STX11: variants seen among roughly 807,000 people sequenced by gnomAD.
STX11 encodes syntaxin-11.
A neutral mutation model predicts 19.9 loss-of-function variants in STX11; 21 were observed. The observed-to-expected ratio is 1.06, with a 90% CI of 0.75 to 1.52. The LOEUF is 1.52. Among genes scored for constraint, STX11 ranks in the 40% most tolerant of loss-of-function variants. The probability of loss-of-function intolerance (pLI) is 0.00; values close to 1 mark genes in which losing one functional copy is unlikely to be tolerated. For synonymous variants in STX11, 193 were observed against 174.4 expected (o/e 1.11, Z -0.84); for missense variants, 438 against 405.9 (o/e 1.08, Z -0.68).
At position 144,175,248 on chromosome 6, in the gene STX11, A is replaced by T. The variant is rs1352996876; in HGVS notation, c.-5-11375A>T. The stretch of plus-strand genomic sequence containing the variant: ...ACAGAGCGAGACCCTGTGTCAAACA[A>T]TAATAATAATGATAATATAGTAAAA... On this transcript the variant is annotated intron_variant, in intron 1 of 1. Coordinates refer to ENST00000367568, the MANE Select transcript of STX11 (RefSeq NM_003764.4). This position sits in a 1 kb window ranked among gnomAD's most constrained non-coding sequence, Gnocchi z 5.1. 6.6e-6 allele frequency among the ~76,000 whole-genome samples: 1 copy of T among 152,226 alleles called. No individual in the cohort carries two copies. The highest frequency in any genetic ancestry group is 1.5e-5 in the Non-Finnish European group (1 of 68,044).
intron 1 of STX11, among the ~76,000 whole-genome samples, chr6:144,179,810 A>G (rs1031337693): frequency 6.6e-6 from 1 of 152,224 alleles, no homozygotes; most frequent in African/African-American, 2.4e-5. Context: ...GGACCTTCTG[A>G]TTTGTAATAA....
At position 144,155,702 on chromosome 6, in the gene STX11, G is replaced by A. The variant is rs1237190511; in HGVS notation, c.-6+4999G>A. ...GGGGCTCTGTTAAGCCACCTCTAAG[G>A]CTCCTCCCCGTCCTAATAACCATTC... On this transcript the variant is annotated intron_variant, in intron 1 of 1. Transcript: ENST00000367568. This position sits in a 1 kb window ranked among gnomAD's most constrained non-coding sequence, Gnocchi z 4.5. Among the ~76,000 whole-genome samples the A allele has an allele frequency of 1.3e-5, 2 of 152,144 alleles. No individual in the cohort carries two copies. Among genetic ancestry groups the A allele is most frequent in the East Asian group, 1.9e-4 (1 of 5,184 alleles).
chr6:144,146,234 G>A (rs1267073178), upstream of STX11, among the ~76,000 whole-genome samples: 6 of 152,118 alleles, frequency 3.9e-5, no homozygotes, highest in South Asian at 4.1e-4. This position sits in a 1 kb window ranked among gnomAD's most constrained non-coding sequence, Gnocchi z 4.4. Flanking sequence ...CTGACAGATC[G>A]CCATGCAACT....
rs1462257110 is a variant in STX11 at position 144,188,917 on chromosome 6, G to T, written c.*1426G>T. ...AATTTTTTATGTTTTTAGTAAAGACGGTGTTTCACCGTGTTAGCCAGGATG... is the reference window on the plus strand; with the variant it reads ...AATTTTTTATGTTTTTAGTAAAGACTGTGTTTCACCGTGTTAGCCAGGATG... On this transcript the variant is annotated 3_prime_UTR_variant, in exon 2 of 2. Transcript: ENST00000367568. 6.6e-6 allele frequency among the ~76,000 whole-genome samples: 1 copy of T among 151,866 alleles called. No individual in the cohort carries two copies. Among genetic ancestry groups the T allele is most frequent in the African/African-American group, 2.4e-5 (1 of 41,334 alleles).
rs1801040214 is a variant in STX11 at position 144,152,867 on chromosome 6, C to T, written c.-6+2164C>T. Reference sequence around the variant, plus strand: ...CAGGCTGGTCTCGAACTGCTGACCTCAGGTGATCTGCTTGCCTTGGCCTCC... The same window carrying T: ...CAGGCTGGTCTCGAACTGCTGACCTTAGGTGATCTGCTTGCCTTGGCCTCC... On this transcript the variant is annotated intron_variant, in intron 1 of 1. Coordinates refer to ENST00000367568, the MANE Select transcript of STX11 (RefSeq NM_003764.4). This position sits in a 1 kb window ranked among gnomAD's most constrained non-coding sequence, Gnocchi z 4.9. Among the ~76,000 whole-genome samples, 1 of 152,258 alleles carries T rather than the reference C, an allele frequency of 6.6e-6. No homozygotes were observed. The highest frequency in any genetic ancestry group is 1.5e-5 in the Non-Finnish European group (1 of 68,046).
intron 1 of STX11, among the ~76,000 whole-genome samples, chr6:144,186,061 T>C (rs1027899637): frequency 1.3e-5 from 2 of 149,766 alleles, no homozygotes; most frequent in Admixed American, 6.6e-5. Context: ...TTTCTTTTTT[T>C]TTTTTTCTGT....
Position 144,155,149 on chromosome 6 carries a change from C to G in STX11, c.-6+4446C>G, listed in dbSNP as rs1279672691. Among the ~76,000 whole-genome samples, 2 of 152,140 alleles carry G rather than the reference C, an allele frequency of 1.3e-5. No individual in the cohort carries two copies. Among genetic ancestry groups the G allele is most frequent in the African/African-American group, 4.8e-5 (2 of 41,424 alleles). The stretch of plus-strand genomic sequence containing the variant: ...TGTCTGAAGATTCCCAGAGCTTCAA[C>G]CATTATGTCCACAAAGCTGCCTTGG... On this transcript the variant is annotated intron_variant, in intron 1 of 1. Coordinates refer to ENST00000367568, the MANE Select transcript of STX11 (RefSeq NM_003764.4). This position sits in a 1 kb window ranked among gnomAD's most constrained non-coding sequence, Gnocchi z 4.5.
chr6:144,167,453 A>G lies in STX11; in HGVS notation c.-6+16750A>G, dbSNP rs1406123537. 6.6e-6 allele frequency among the ~76,000 whole-genome samples: 1 copy of G among 152,228 alleles called. No homozygotes were observed. The highest frequency in any genetic ancestry group is 2.4e-5 in the African/African-American group (1 of 41,452). The stretch of plus-strand genomic sequence containing the variant: ...ATAATTGTATACAATGTTTTTAATA[A>G]TATTGTGCATGACAAAGTTTATGTA... On this transcript the variant is annotated intron_variant, in intron 1 of 1. Coordinates refer to ENST00000367568, the MANE Select transcript of STX11 (RefSeq NM_003764.4). The surrounding 1 kb of genome is among the most constrained non-coding windows in gnomAD (Gnocchi z 5.0).
Position 144,186,924 on chromosome 6 carries a change from C to A in STX11, c.297C>A (p.Val99=), listed in dbSNP as rs764245305. The change falls in exon 2 of 2, where the codon GTC becomes GTA. Residue 99 remains valine, a synonymous_variant. Transcript: ENST00000367568. ...IAKAIKARGE[V]IHCKLRAMKE... ...AGGCCATCAAGGCCCGGGGCGAGGT[C>A]ATCCACTGCAAGCTGCGCGCCATGA... 6.2e-7 allele frequency: 1 copy of A among 1,610,458 alleles called. No homozygotes were observed.
At chr6:144,147,344 C>T (rs771005896), upstream of STX11, among the ~76,000 whole-genome samples, 1 of 152,114 alleles carries the variant, frequency 6.6e-6, no homozygotes. The surrounding 1 kb of genome is among the most constrained non-coding windows in gnomAD (Gnocchi z 4.2). Context: ...CTCAGTTTTC[C>T]GTCCTAATTT....
At position 144,186,605 on chromosome 6, in the gene STX11, C is replaced by CA. The variant is rs1166911505; in HGVS notation, c.-5-17dup. 7 of 1,613,654 alleles carry CA rather than the reference C, an allele frequency of 4.3e-6. 1 individual carries two copies. Among genetic ancestry groups the CA allele is most frequent in the Middle Eastern group, 3.3e-4 (2 of 6,084 alleles). On this transcript the variant is annotated splice_polypyrimidine_tract_variant and intron_variant, in intron 1 of 1. Coordinates refer to ENST00000367568, the MANE Select transcript of STX11 (RefSeq NM_003764.4). ...GACTCTCAATAGAGAAATTTAACTT[C>CA]ATTATCTCTACTTGCAGGCAAAATG... is the stretch of plus-strand genomic sequence containing the variant.
In STX11 at chr6:144,186,752, A is replaced by C. The variant is rs755172979; in HGVS notation, c.125A>C (p.Glu42Ala). The C allele has an allele frequency of 1.9e-6, 3 of 1,614,142 alleles. No individual in the cohort carries two copies. The highest frequency in any genetic ancestry group is 1.7e-6 in the Non-Finnish European group (2 of 1,180,044). The change falls in exon 2 of 2, where the codon GAG (glutamate) becomes GCG (alanine). Residue 42 changes from glutamate (E) to alanine (A), a missense_variant. Physicochemically the swap from Glu to Ala is moderately radical, Grantham distance 107. Transcript: ENST00000367568. ...GTGTTCGAGACGGACCACATCCTGG[A>C]GTCCCTGTACCGAGACATCCGGGAC... ...DIVFETDHIL[E>A]SLYRDIRDIQ...
chr6:144,150,399 G>C, upstream of STX11: 1 of 775,184 alleles, frequency 1.3e-6, no homozygotes, highest in Non-Finnish European at 1.6e-6. Flanking sequence ...TGGGTGGGGC[G>C]GGAACCCGCG....
At position 144,187,773 on chromosome 6, in the gene STX11, G is replaced by T. The variant is rs552052361; in HGVS notation, c.*282G>T. ...CTCTTACCGTCTTGACAGAAGCCAA[G>T]TAAGGAACTGAAGTTGTATCTGACT... is the stretch of plus-strand genomic sequence containing the variant. On this transcript the variant is annotated 3_prime_UTR_variant, in exon 2 of 2. Transcript: ENST00000367568. The surrounding 1 kb of genome is among the most constrained non-coding windows in gnomAD (Gnocchi z 5.6). 22 of 548,162 alleles carry T rather than the reference G, an allele frequency of 4.0e-5. No individual in the cohort carries two copies. Among genetic ancestry groups the T allele is most frequent in the African/African-American group, 4.0e-4 (21 of 53,000 alleles). The allele number at this position is 548,162 out of a possible 1,614,324, so 34.0% of individuals were successfully genotyped here.
rs949255666 is a variant in STX11 at position 144,169,726 on chromosome 6, C to T, written c.-5-16897C>T. Among the ~76,000 whole-genome samples the T allele has an allele frequency of 2.0e-5, 3 of 146,580 alleles. No individual in the cohort carries two copies. Among genetic ancestry groups the T allele is most frequent in the Non-Finnish European group, 3.0e-5 (2 of 66,640 alleles). ...CTACCTATGAGGTCTTGCTCTGTCA[C>T]CCAGGCTGGAGTGCAGTGGCACAAT... On this transcript the variant is annotated intron_variant, in intron 1 of 1. Coordinates refer to ENST00000367568, the MANE Select transcript of STX11 (RefSeq NM_003764.4). This position sits in a 1 kb window ranked among gnomAD's most constrained non-coding sequence, Gnocchi z 5.2.
In STX11 at chr6:144,154,003, A is replaced by G. The variant is rs1584011922; in HGVS notation, c.-6+3300A>G. Among the ~76,000 whole-genome samples the G allele has an allele frequency of 6.6e-6, 1 of 152,236 alleles. No homozygotes were observed. Among genetic ancestry groups the G allele is most frequent in the South Asian group, 2.1e-4 (1 of 4,834 alleles). ...ATTTATTGAGTGCTTATTAAGGGCCATGTACTATCCTAGACTCACTATGTG... is the reference window on the plus strand; with the variant it reads ...ATTTATTGAGTGCTTATTAAGGGCCGTGTACTATCCTAGACTCACTATGTG... On this transcript the variant is annotated intron_variant, in intron 1 of 1. Transcript: ENST00000367568. The surrounding 1 kb of genome is among the most constrained non-coding windows in gnomAD (Gnocchi z 4.7).
Position 144,155,689 on chromosome 6 carries a change from A to C in STX11, c.-6+4986A>C, listed in dbSNP as rs1181716539. On this transcript the variant is annotated intron_variant, in intron 1 of 1. Transcript: ENST00000367568. The surrounding 1 kb of genome is among the most constrained non-coding windows in gnomAD (Gnocchi z 4.5). ...ATAGCTAGAGTTGGGGGCTCTGTTAAGCCACCTCTAAGGCTCCTCCCCGTC... is the reference window on the plus strand; with the variant it reads ...ATAGCTAGAGTTGGGGGCTCTGTTACGCCACCTCTAAGGCTCCTCCCCGTC... 6.6e-6 allele frequency among the ~76,000 whole-genome samples: 1 copy of C among 152,210 alleles called. No homozygotes were observed. Among genetic ancestry groups the C allele is most frequent in the Non-Finnish European group, 1.5e-5 (1 of 68,032 alleles).
At position 144,167,238 on chromosome 6, in the gene STX11, G is replaced by A. The variant is rs1801507974; in HGVS notation, c.-6+16535G>A. Among the ~76,000 whole-genome samples the A allele has an allele frequency of 6.6e-6, 1 of 152,164 alleles. No homozygotes were observed. The highest frequency in any genetic ancestry group is 1.5e-5 in the Non-Finnish European group (1 of 68,018). Reference sequence around the variant, plus strand: ...GTTACTTTTCATGTTAAACAATTCTGTCTTATTTGATTTATTATTACAAGT... The same window carrying A: ...GTTACTTTTCATGTTAAACAATTCTATCTTATTTGATTTATTATTACAAGT... On this transcript the variant is annotated intron_variant, in intron 1 of 1. Coordinates refer to ENST00000367568, the MANE Select transcript of STX11 (RefSeq NM_003764.4). This position sits in a 1 kb window ranked among gnomAD's most constrained non-coding sequence, Gnocchi z 5.0.
chr6:144,151,530 GC>G lies in STX11; in HGVS notation c.-6+828del. 1.5e-6 allele frequency: 1 copy of G among 684,206 alleles called. No individual in the cohort carries two copies. Among genetic ancestry groups the G allele is most frequent in the Non-Finnish European group, 1.8e-6 (1 of 554,608 alleles). The allele number at this position is 684,206 out of a possible 1,614,324, so 42.4% of individuals were successfully genotyped here. On this transcript the variant is annotated intron_variant, in intron 1 of 1. Transcript: ENST00000367568. This position sits in a 1 kb window ranked among gnomAD's most constrained non-coding sequence, Gnocchi z 4.6. ...GAAATGCCTGCCCTGCCAACCTGGG[GC>G]AGTGGTATGGGAAGTGACGATTGAG...
Sources: allele counts gnomAD v4.1 joint callset (sites outside exome capture counted in the v4.1 genomes callset), GRCh38; gene constraint gnomAD v4.1.1; non-coding constraint Gnocchi (gnomAD v3.1); transcripts MANE v1.5; gene names NCBI Gene and HGNC (gene_info 2026-07-23, HGNC 2026-07-21).